MYH10: variants seen among roughly 807,000 people sequenced by gnomAD.
The protein encoded by MYH10 is myosin-10.
Under a neutral mutation model 257.8 loss-of-function variants are expected in MYH10, and 55 were observed. The ratio of observed to expected loss-of-function variants is 0.21; its 90% CI spans 0.17 to 0.27. The LOEUF is 0.27. Among genes scored for constraint, MYH10 ranks in the 10% least tolerant of loss-of-function variants. The pLI, the probability that MYH10 is intolerant of heterozygous loss-of-function variation, is 1.00. For synonymous variants in MYH10, 854 were observed against 921.7 expected, an observed-to-expected ratio of 0.93 and a Z score of 1.33; for missense variants, 1,631 against 2,500.6, an observed-to-expected ratio of 0.65 and a Z score of 7.42.
chr17:8,566,236 T>C (rs2083163615), intron 7 of MYH10, among the ~76,000 whole-genome samples: 1 of 152,176 alleles, frequency 6.6e-6, no homozygotes, highest in Non-Finnish European at 1.5e-5. Context: ...ACATCAATGA[T>C]GGAAATCACT....
intron 7 of MYH10, chr17:8,561,181 G>C: frequency 1.5e-6 from 1 of 681,908 alleles, no homozygotes; most frequent in Non-Finnish European, 2.6e-6. Context: ...AGGAGAAATG[G>C]GAGAAAATTA....
At chr17:8,618,844 C>G (rs8074757) in intron 2 of MYH10, among the ~76,000 whole-genome samples, 122,598 of 152,202 alleles carry the variant, frequency 0.81, 49,945 homozygotes, top group African/African-American at 0.95. Flanking sequence ...GTTCATGGTG[C>G]TAGATACAAG....
intron 11 of MYH10, 120 bp from the exon 12 acceptor site, chr17:8,546,782 G>A: frequency 1.5e-6 from 1 of 672,638 alleles, no homozygotes; most frequent in South Asian, 2.6e-5. Context: ...ATAAATAAAA[G>A]TCTTAAAATC....
At chr17:8,497,477 T>C (rs567626767) in intron 30 of MYH10, among the ~76,000 whole-genome samples, 89 of 152,164 alleles carry the variant, frequency 5.8e-4, no homozygotes, top group African/African-American at 2.1e-3. Context: ...CGGTGGCTCA[T>C]GCCTGTAATC....
chr17:8,627,407 C>A (rs1157360317), intron 1 of MYH10, among the ~76,000 whole-genome samples: 2 of 152,196 alleles, frequency 1.3e-5, no homozygotes, highest in African/African-American at 4.8e-5. Context: ...ACTCCTGACC[C>A]AAATGCCATC....
At chr17:8,555,534 G>C (rs1489489946) in intron 7 of MYH10, among the ~76,000 whole-genome samples, 1 of 152,122 alleles carries the variant, frequency 6.6e-6, no homozygotes, top group Non-Finnish European at 1.5e-5. Flanking sequence ...AATAGGGAAA[G>C]GAAGGACAGT....
In MYH10 at chr17:8,569,352, A is replaced by G. The variant is rs778256205; in HGVS notation, c.756+368T>C. Among the ~76,000 whole-genome samples, 3 of 152,218 alleles carry G rather than the reference A, an allele frequency of 2.0e-5. No individual in the cohort carries two copies. Among genetic ancestry groups the G allele is most frequent in the Non-Finnish European group, 2.9e-5 (2 of 68,042 alleles). ...AATGCGTTGAATGTTTACTATGCATAGTGCCGGGCTAAGTGCTCAGCGTGC... is the reference window on the plus strand; with the variant it reads ...AATGCGTTGAATGTTTACTATGCATGGTGCCGGGCTAAGTGCTCAGCGTGC... On this transcript the variant is annotated intron_variant, in intron 7 of 42. Coordinates refer to ENST00000360416, the MANE Select transcript of MYH10 (RefSeq NM_001256012.3). This position sits in a 1 kb window ranked among gnomAD's most constrained non-coding sequence, Gnocchi z 4.1.
Position 8,549,363 on chromosome 17 carries a change from G to A in MYH10, c.920-576C>T, listed in dbSNP as rs150866094. 2.3e-4 allele frequency among the ~76,000 whole-genome samples: 35 copies of A among 152,294 alleles called. No individual in the cohort carries two copies. In the East Asian group the frequency reaches 6.6e-3, roughly 29 times the overall value. ...CTTTAGAATGATGATGTGATGTGGC[G>A]CAGCAGACTATTGTAACAGGTACCC... On this transcript the variant is annotated intron_variant, in intron 9 of 42. Coordinates refer to ENST00000360416, the MANE Select transcript of MYH10 (RefSeq NM_001256012.3).
chr17:8,559,411 A>C lies in MYH10; in HGVS notation c.757-5393T>G, dbSNP rs2082911687. Among the ~76,000 whole-genome samples, 3 of 9,926 alleles carry C rather than the reference A, an allele frequency of 3.0e-4. No homozygotes were observed. In the Non-Finnish European group the frequency reaches 0.041, roughly 134 times the overall value. 6.5% of individuals were successfully genotyped at this position (9,926 alleles called of 152,430 possible). A position where few individuals can be genotyped will look rare whatever the true frequency, so the allele number is the denominator to read the frequency against. On this transcript the variant is annotated intron_variant, in intron 7 of 42. Transcript: ENST00000360416. ...GAAAGACAATGCAATATTTGGGGTG[A>C]TATAATAAATAAATTAAAAGATGAA...
chr17:8,535,893 T>C lies in MYH10; in HGVS notation c.1644A>G (p.Glu548=). 1.2e-6 allele frequency: 2 copies of C among 1,614,164 alleles called. No individual in the cohort carries two copies. Among genetic ancestry groups the C allele is most frequent in the South Asian group, 2.2e-5 (2 of 91,082 alleles). Residue 548 remains glutamate, a synonymous_variant, in exon 15 of 43, where the codon GAA becomes GAG. Coordinates refer to ENST00000360416, the MANE Select transcript of MYH10 (RefSeq NM_001256012.3). The surrounding 1 kb of genome is among the most constrained non-coding windows in gnomAD (Gnocchi z 4.3). The stretch of plus-strand genomic sequence containing the variant: ...TATCTGTGGCTTTAGGGAACCAGCA[T>C]TCTTCATCCAAAAGGGCCAGTACAC... ...PPGVLALLDE[E]CWFPKATDKT...
intron 37 of MYH10, among the ~76,000 whole-genome samples, chr17:8,482,892 A>G (rs927500715): frequency 6.6e-6 from 1 of 152,210 alleles, no homozygotes; most frequent in African/African-American, 2.4e-5. Context: ...TGGGGATCTC[A>G]CCAATCAACT....
At chr17:8,558,986 A>AAG (rs1422313511) in intron 7 of MYH10, among the ~76,000 whole-genome samples, 1 of 152,208 alleles carries the variant, frequency 6.6e-6, no homozygotes, top group Non-Finnish European at 1.5e-5. Flanking sequence ...TATTTTAGCA[A>AAG]AGAGATGAAA....
chr17:8,518,104 C>CGTGTGTGTGT lies in MYH10; in HGVS notation c.2504+517_2504+526dup, dbSNP rs58352961. ...GGCAGGACCCCATACCCCTTGGCCC[C>CGTGTGTGTGT]GTGTGTGTGTGTGTGTGTGTGTGTG... On this transcript the variant is annotated intron_variant, in intron 21 of 42. Coordinates refer to ENST00000360416, the MANE Select transcript of MYH10 (RefSeq NM_001256012.3). Among the ~76,000 whole-genome samples, 437 of 116,572 alleles carry CGTGTGTGTGT rather than the reference C, an allele frequency of 3.7e-3. 1 individual carries two copies. The highest frequency in any genetic ancestry group is 0.018 in the Middle Eastern group (4 of 220). 76.5% of individuals were successfully genotyped at this position (116,572 alleles called of 152,430 possible).
In MYH10 at chr17:8,512,693, A is replaced by C. The variant is rs764979628; in HGVS notation, c.2746-36T>G. On this transcript the variant is annotated intron_variant, in intron 23 of 42. Transcript: ENST00000360416. The stretch of plus-strand genomic sequence containing the variant: ...AATAAAGTGTCTGTGATTTGCCCCT[A>C]TTACATACGTACACAGTATATATTC... 6 of 1,559,284 alleles carry C rather than the reference A, an allele frequency of 3.8e-6. No individual in the cohort carries two copies. In the East Asian group the frequency reaches 1.3e-4, roughly 35 times the overall value.
intron 3 of MYH10, among the ~76,000 whole-genome samples, chr17:8,603,830 A>G (rs2084699157): frequency 6.6e-6 from 1 of 152,208 alleles, no homozygotes; most frequent in South Asian, 2.1e-4. Flanking sequence ...GCCTAAGCTC[A>G]TTTTTAAATT....
intron 37 of MYH10, among the ~76,000 whole-genome samples, chr17:8,482,491 C>A (rs1411397018): frequency 6.6e-6 from 1 of 152,192 alleles, no homozygotes; most frequent in Non-Finnish European, 1.5e-5. Flanking sequence ...GCCACTGACT[C>A]CAGACAGCTC....
intron 3 of MYH10, among the ~76,000 whole-genome samples, chr17:8,599,200 C>T (rs2084500432): frequency 6.6e-6 from 1 of 152,164 alleles, no homozygotes; most frequent in Non-Finnish European, 1.5e-5. Flanking sequence ...CCTGTGATTT[C>T]TTCTTTCAGG....
intron 7 of MYH10, among the ~76,000 whole-genome samples, chr17:8,554,739 C>T (rs1567892883): frequency 6.6e-6 from 1 of 152,190 alleles, no homozygotes; most frequent in Non-Finnish European, 1.5e-5. Context: ...CTCCTGAGGT[C>T]AGGAGTTCAA....
At chr17:8,502,242 G>A (rs1234592820) in intron 28 of MYH10, among the ~76,000 whole-genome samples, 1 of 152,068 alleles carries the variant, frequency 6.6e-6, no homozygotes, top group Non-Finnish European at 1.5e-5. Flanking sequence ...AGATCCCTGT[G>A]CCAAGAGAAC....
Sources: gnomAD v4.1 joint callset for allele counts (sites outside exome capture counted in the v4.1 genomes callset) on GRCh38, gnomAD v4.1.1 for gene constraint, Gnocchi (gnomAD v3.1) non-coding constraint, MANE v1.5 for transcripts, NCBI Gene and HGNC (gene_info 2026-07-23, HGNC 2026-07-21) for gene names.